Variants in SPATA1 observed in about 807,000 individuals in gnomAD.
SPATA1 encodes spermatogenesis associated 1, also known as spermatogenesis-associated protein 1.
SPATA1 carries 57 observed loss-of-function variants against 59.6 expected under a neutral mutation model. The ratio of observed to expected loss-of-function variants is 0.96; its 90% CI spans 0.77 to 1.19. The LOEUF (loss-of-function observed/expected upper bound fraction) is 1.19, where lower values mean the gene tolerates loss of function less well. SPATA1 is among the 50% of genes most tolerant of loss of function. SPATA1 has a pLI of 0.00. For synonymous variants in SPATA1, 147 were observed against 163.9 expected, an observed-to-expected ratio of 0.90 and a Z score of 0.79; for missense variants, 448 against 480.7, an observed-to-expected ratio of 0.93 and a Z score of 0.64.
intron 4 of SPATA1, among the ~76,000 whole-genome samples, chr1:84,564,463 T>C (rs1288225130): frequency 6.6e-6 from 1 of 152,200 alleles, no homozygotes; most frequent in African/African-American, 2.4e-5. Context: ...GAGCCTTTAA[T>C]GTTATTATGT....
chr1:84,550,648 T>C, intron 12 of SPATA1, 118 bp downstream of exon 12: 1 of 1,278,022 alleles, frequency 7.8e-7, no homozygotes, highest in Non-Finnish European at 9.9e-7. Flanking sequence ...TGTATTAAAA[T>C]TGTTACCTTA....
At chr1:84,519,325 T>C (rs1045729438) in intron 2 of SPATA1, among the ~76,000 whole-genome samples, 6 of 152,042 alleles carry the variant, frequency 3.9e-5, no homozygotes, top group African/African-American at 9.7e-5. Context: ...TATAATAAAT[T>C]AGCGTTTGAG....
At chr1:84,544,986 G>A (rs1684037770) in intron 9 of SPATA1, among the ~76,000 whole-genome samples, 1 of 150,972 alleles carries the variant, frequency 6.6e-6, no homozygotes, top group Non-Finnish European at 1.5e-5. Context: ...TGAGGTGGGT[G>A]GATCACAAGG....
At chr1:84,517,033 T>A (rs1449399430) in intron 2 of SPATA1, among the ~76,000 whole-genome samples, 1 of 152,118 alleles carries the variant, frequency 6.6e-6, no homozygotes, top group Non-Finnish European at 1.5e-5. Flanking sequence ...CGGTCAAGAT[T>A]TCACCTCCAT....
At chr1:84,543,974 A>AT (rs752232610) in intron 8 of SPATA1, among the ~76,000 whole-genome samples, 2 of 152,252 alleles carry the variant, frequency 1.3e-5, no homozygotes, top group South Asian at 2.1e-4. Context: ...AAAATAACAG[A>AT]TTTTTTTTAA....
At chr1:84,533,267 A>G (rs1248000411) in intron 7 of SPATA1, among the ~76,000 whole-genome samples, 26 of 152,118 alleles carry the variant, frequency 1.7e-4, no homozygotes, top group Admixed American at 1.7e-3. Context: ...AGAACTAATT[A>G]TCCTGCCTCT....
intron 2 of SPATA1, among the ~76,000 whole-genome samples, chr1:84,518,926 C>T (rs1050364521): frequency 2.6e-5 from 4 of 151,784 alleles, no homozygotes; most frequent in Non-Finnish European, 4.4e-5. Context: ...AGTATGTTAC[C>T]TATTAGTGTT....
intron 4 of SPATA1, chr1:84,563,333 A>G (rs1292555122): frequency 6.3e-7 from 1 of 1,599,038 alleles, no homozygotes; most frequent in Non-Finnish European, 8.5e-7. Context: ...TTGCTTCATG[A>G]TCGTTTTGTA....
chr1:84,544,951 C>T (rs1443211831), intron 9 of SPATA1, among the ~76,000 whole-genome samples: 1 of 151,510 alleles, frequency 6.6e-6, no homozygotes, highest in South Asian at 2.1e-4. Flanking sequence ...GTGGCTCATG[C>T]CTGTAATCCC....
intron 3 of SPATA1, among the ~76,000 whole-genome samples, chr1:84,521,953 A>T (rs927912687): frequency 6.6e-6 from 1 of 152,188 alleles, no homozygotes; most frequent in Non-Finnish European, 1.5e-5. Context: ...ATAAGCAAAG[A>T]TGTGGACTCT....
chr1:84,553,139 A>C, exon 13 of SPATA1: 1 of 1,384,768 alleles, frequency 7.2e-7, no homozygotes, highest in Non-Finnish European at 9.7e-7. Flanking sequence ...GTTAATTTAA[A>C]ACTTTTATTT....
intron 4 of SPATA1, chr1:84,563,240 C>A: frequency 7.0e-7 from 1 of 1,435,160 alleles, no homozygotes; most frequent in Non-Finnish European, 9.2e-7. Flanking sequence ...ATGCTCATAA[C>A]TTACGAAAAG....
intron 3 of SPATA1, 90 bp from the exon 4 acceptor site, chr1:84,522,300 G>C: frequency 1.5e-6 from 1 of 669,014 alleles, no homozygotes; most frequent in Non-Finnish European, 2.3e-6. Flanking sequence ...CAACCTTTGT[G>C]TTTGAGATAG....
chr1:84,534,986 A>AT (rs1377688430), intron 8 of SPATA1, among the ~76,000 whole-genome samples: 4 of 152,102 alleles, frequency 2.6e-5, no homozygotes, highest in Non-Finnish European at 5.9e-5. Flanking sequence ...CTCAGTGATA[A>AT]TTTTTGTTAA....
downstream of SPATA1, among the ~76,000 whole-genome samples, chr1:84,566,789 C>T (rs781714579): frequency 2.0e-5 from 3 of 152,112 alleles, no homozygotes; most frequent in East Asian, 3.9e-4. Context: ...TGCGCCACCA[C>T]GCCCAGCTAA....
chr1:84,524,100 C>G (rs1247065480), intron 4 of SPATA1, among the ~76,000 whole-genome samples: 1 of 151,456 alleles, frequency 6.6e-6, no homozygotes, highest in East Asian at 1.9e-4. Context: ...TTACTTCCAG[C>G]AGGGGAAGAG....
In SPATA1 at chr1:84,563,541, A is replaced by G. The variant is rs549310518; in HGVS notation, n.443-2320A>G. ...CCATAGAAAACCTGACTATACAGAA[A>G]AAAGGTTAAAATAAATTTCATTATT... On this transcript the variant is annotated intron_variant and non_coding_transcript_variant, in intron 4 of 4. Coordinates refer to the SPATA1 transcript ENST00000460286. The G allele has an allele frequency of 2.4e-4, 176 of 733,902 alleles. No homozygotes were observed. The African/African-American group carries it at 3.1e-3, about 13-fold the overall frequency. 45.5% of individuals were successfully genotyped at this position (733,902 alleles called of 1,614,324 possible).
intron 4 of SPATA1, among the ~76,000 whole-genome samples, chr1:84,525,261 C>T (rs1374976914): frequency 6.6e-6 from 1 of 152,088 alleles, no homozygotes; most frequent in African/African-American, 2.4e-5. Context: ...GTCACCACGC[C>T]CAGTCCCCCA....
At chr1:84,533,442 A>C (rs1683551120) in intron 7 of SPATA1, among the ~76,000 whole-genome samples, 1 of 152,096 alleles carries the variant, frequency 6.6e-6, no homozygotes, top group South Asian at 2.1e-4. Flanking sequence ...TATGTTTCTA[A>C]AATTTCAAGT....
Sources: allele counts gnomAD v4.1 joint callset (sites outside exome capture counted in the v4.1 genomes callset), GRCh38; gene constraint gnomAD v4.1.1; transcripts MANE v1.5; gene names NCBI Gene and HGNC (gene_info 2026-07-23, HGNC 2026-07-21).